PDSS2: variants seen among roughly 807,000 people sequenced by gnomAD.
The protein encoded by PDSS2 is all trans-polyprenyl-diphosphate synthase PDSS2.
A neutral mutation model predicts 44.5 loss-of-function variants in PDSS2; 31 were observed. That is an observed-to-expected ratio of 0.70 (90% confidence interval 0.52 to 0.94). The LOEUF (loss-of-function observed/expected upper bound fraction) is 0.94, where lower values mean the gene tolerates loss of function less well. Ranked by LOEUF, PDSS2 falls within the 40% of genes least tolerant of loss-of-function variation. The pLI is 0.00. For missense variants in PDSS2, 452 were observed against 482.2 expected (o/e 0.94, Z 0.59); for synonymous variants, 157 against 180.3 (o/e 0.87, Z 1.03).
intron 1 of PDSS2, among the ~76,000 whole-genome samples, chr6:107,456,935 T>G (rs1782063105): frequency 1.3e-5 from 2 of 152,238 alleles, no homozygotes. Context: ...TCAACAGGAC[T>G]GGTAAAGTTA....
At chr6:107,447,557 C>T (rs1192741736) in intron 1 of PDSS2, among the ~76,000 whole-genome samples, 5 of 152,186 alleles carry the variant, frequency 3.3e-5, no homozygotes, top group South Asian at 2.1e-4. Flanking sequence ...ATCCATGTCA[C>T]GCTATTACAA....
chr6:107,261,461 C>G (rs976235958), intron 3 of PDSS2, among the ~76,000 whole-genome samples: 1 of 152,176 alleles, frequency 6.6e-6, no homozygotes, highest in African/African-American at 2.4e-5. Context: ...TTCCTAAGGC[C>G]TTCCTAGAAG....
intron 7 of PDSS2, among the ~76,000 whole-genome samples, chr6:107,171,053 T>C (rs1341901759): frequency 1.3e-5 from 2 of 152,216 alleles, no homozygotes; most frequent in Non-Finnish European, 2.9e-5. Flanking sequence ...AGTTGCTGCC[T>C]CCCAGGACCA....
intron 1 of PDSS2, among the ~76,000 whole-genome samples, chr6:107,361,728 C>T (rs9486598): frequency 0.069 from 10,453 of 152,194 alleles, 433 homozygotes; most frequent in Non-Finnish European, 0.091. Flanking sequence ...AGGTGGTTGA[C>T]AAATCCTCCC....
chr6:107,189,877 C>T (rs73523760), intron 7 of PDSS2, among the ~76,000 whole-genome samples: 7,721 of 151,846 alleles, frequency 0.051, 596 homozygotes, highest in African/African-American at 0.17. Context: ...TGGGTAACAG[C>T]GAGACCTCGT....
chr6:107,363,692 C>T (rs1451955809), intron 1 of PDSS2, among the ~76,000 whole-genome samples: 1 of 152,162 alleles, frequency 6.6e-6, no homozygotes, highest in African/African-American at 2.4e-5. Flanking sequence ...GCTCGGGCAG[C>T]CTGCTTTTAT....
chr6:107,293,132 C>T (rs550792828), intron 2 of PDSS2, among the ~76,000 whole-genome samples: 13 of 152,238 alleles, frequency 8.5e-5, no homozygotes, highest in East Asian at 3.9e-4. Flanking sequence ...TACCACTGAG[C>T]TCTGCCATTT....
chr6:107,295,473 T>C (rs1389410615), intron 2 of PDSS2, among the ~76,000 whole-genome samples: 5 of 152,092 alleles, frequency 3.3e-5, no homozygotes, highest in Non-Finnish European at 5.9e-5. Context: ...TGTGAGGAAA[T>C]AGGAGGGGAT....
At chr6:107,205,623 G>A (rs1772946440) in intron 6 of PDSS2, among the ~76,000 whole-genome samples, 1 of 152,156 alleles carries the variant, frequency 6.6e-6, no homozygotes, top group Non-Finnish European at 1.5e-5. Context: ...AATTTAGTAT[G>A]GAGAAAATGC....
In PDSS2 at chr6:107,429,884, CAAAAAAA is replaced by C. The variant is rs1163895804; in HGVS notation, c.296+29099_296+29105del. 1.7e-3 allele frequency among the ~76,000 whole-genome samples: 9 copies of C among 5,382 alleles called. 2 individuals are homozygous for C. The highest frequency in any genetic ancestry group is 3.8e-3 in the African/African-American group (9 of 2,354). The allele number at this position is 5,382 out of a possible 152,430, so 3.5% of individuals were successfully genotyped here. ...GGGCAACAAGAGCAAAACTTAGTCTCAAAAAAAAAAAAAAAAAATATATATATATATA... is the reference window on the plus strand; with the variant it reads ...GGGCAACAAGAGCAAAACTTAGTCTCAAAAAAAAAAATATATATATATATA... On this transcript the variant is annotated intron_variant, in intron 1 of 7. Transcript: ENST00000369037.
intron 2 of PDSS2, among the ~76,000 whole-genome samples, chr6:107,303,509 AG>A (rs1776761908): frequency 6.6e-6 from 1 of 152,242 alleles, no homozygotes; most frequent in African/African-American, 2.4e-5. Context: ...ATAAACATAT[AG>A]CAAATGCTAT....
At chr6:107,374,955 A>C (rs1311959832) in intron 1 of PDSS2, among the ~76,000 whole-genome samples, 12 of 152,162 alleles carry the variant, frequency 7.9e-5, no homozygotes, top group Non-Finnish European at 5.9e-5. Flanking sequence ...AGATATCTAG[A>C]AAATCCCCAA....
chr6:107,332,073 G>A (rs535736661), intron 2 of PDSS2, among the ~76,000 whole-genome samples: 10 of 150,802 alleles, frequency 6.6e-5, no homozygotes, highest in African/African-American at 2.4e-4. Context: ...ACTAAACTTA[G>A]CCAAGAGTTT....
At position 107,429,923 on chromosome 6, in the gene PDSS2, T is replaced by A. The variant is rs1374577252; in HGVS notation, c.296+29067A>T. On this transcript the variant is annotated intron_variant, in intron 1 of 7. Transcript: ENST00000369037. ...AAAAATATATATATATATATATATA[T>A]ATATATATATATATACACCAAACCC... Among the ~76,000 whole-genome samples the A allele has an allele frequency of 1.7e-3, 189 of 112,340 alleles. 11 individuals are homozygous for A. The highest frequency in any genetic ancestry group is 5.6e-3 in the African/African-American group (162 of 28,704). The allele number at this position is 112,340 out of a possible 152,430, so 73.7% of individuals were successfully genotyped here.
At chr6:107,263,247 G>A (rs1210896340) in intron 3 of PDSS2, among the ~76,000 whole-genome samples, 1 of 152,054 alleles carries the variant, frequency 6.6e-6, no homozygotes, top group Non-Finnish European at 1.5e-5. Context: ...GAGGTCTGGA[G>A]TTCAAGACCA....
At chr6:107,281,127 A>T (rs775518312) in intron 2 of PDSS2, among the ~76,000 whole-genome samples, 10 of 152,146 alleles carry the variant, frequency 6.6e-5, no homozygotes, top group Admixed American at 2.0e-4. Context: ...CCCTGACTGG[A>T]ATATGGCCCA....
intron 1 of PDSS2, among the ~76,000 whole-genome samples, chr6:107,337,831 ATTATTATCATTATCT>A: frequency 6.6e-6 from 1 of 152,220 alleles, no homozygotes; most frequent in Non-Finnish European, 1.5e-5. Context: ...CCCCCTAATC[ATTATTATCATTATCT>A]CAATGATAAT....
chr6:107,409,355 G>T (rs533610239), intron 1 of PDSS2, among the ~76,000 whole-genome samples: 2 of 151,898 alleles, frequency 1.3e-5, no homozygotes, highest in South Asian at 4.2e-4. Context: ...AATTCCAATC[G>T]AAAATCTCTG....
rs7766380 is a variant in PDSS2, at chr6:107,191,508, G to A, written c.1041+2314C>T. On this transcript the variant is annotated intron_variant, in intron 7 of 7. Coordinates refer to ENST00000369037, the MANE Select transcript of PDSS2 (RefSeq NM_020381.4). ...GGTGGGATGACAGTGCTAATCACAG[G>A]AGAGAGGATAAGAAAAAAGGCTCAG... is the stretch of plus-strand genomic sequence containing the variant. Among the ~76,000 whole-genome samples, 293 of 152,256 alleles carry A rather than the reference G, an allele frequency of 1.9e-3. 3 individuals carry two copies. The highest frequency in any genetic ancestry group is 6.5e-3 in the African/African-American group (268 of 41,542).
Sources: allele counts gnomAD v4.1 joint callset (sites outside exome capture counted in the v4.1 genomes callset), GRCh38; gene constraint gnomAD v4.1.1; transcripts MANE v1.5; gene names NCBI Gene and HGNC (gene_info 2026-07-23, HGNC 2026-07-21).